Variants in SGCZ observed in about 807,000 individuals in gnomAD.
SGCZ encodes zeta-sarcoglycan.
SGCZ carries 40 observed loss-of-function variants against 41.3 expected under a neutral mutation model. The observed-to-expected ratio is 0.97, with a 90% CI of 0.75 to 1.26. The LOEUF (loss-of-function observed/expected upper bound fraction) is 1.26. Ranked by LOEUF, SGCZ falls within the 50% of genes most tolerant of loss-of-function variation. The probability of loss-of-function intolerance (pLI) is 0.00; values close to 1 mark genes in which losing one functional copy is unlikely to be tolerated. For missense variants in SGCZ, 552 were observed against 369.8 expected, an observed-to-expected ratio of 1.49 and a Z score of -4.04; for synonymous variants, 206 against 137.5, an observed-to-expected ratio of 1.50 and a Z score of -3.49.
intron 3 of SGCZ, among the ~76,000 whole-genome samples, chr8:14,253,306 TTTTG>T (rs1020838609): frequency 1.3e-5 from 2 of 151,778 alleles, no homozygotes; most frequent in African/African-American, 4.8e-5. Context: ...CAGATTTAAT[TTTTG>T]TTTATGAATT....
chr8:14,971,645 CT>C (rs11456903), intron 1 of SGCZ, among the ~76,000 whole-genome samples: 7,934 of 114,544 alleles, frequency 0.069, 591 homozygotes, highest in African/African-American at 0.2. Context: ...ATTTTATATA[CT>C]TTTTTTTTTT....
intron 2 of SGCZ, among the ~76,000 whole-genome samples, chr8:14,397,708 T>C (rs1015973863): frequency 9.2e-5 from 14 of 152,120 alleles, no homozygotes; most frequent in Admixed American, 9.2e-4. Context: ...GGCAGGTGAA[T>C]GTATCTGAGA....
At chr8:14,230,982 A>C (rs1397589241) in intron 4 of SGCZ, among the ~76,000 whole-genome samples, 1 of 152,122 alleles carries the variant, frequency 6.6e-6, no homozygotes. Flanking sequence ...GTGGTAAATG[A>C]ATAGAAATTA....
At chr8:14,501,009 TA>T (rs71209055) in intron 2 of SGCZ, among the ~76,000 whole-genome samples, 38,983 of 151,842 alleles carry the variant, frequency 0.26, 5,006 homozygotes, top group Admixed American at 0.29. Context: ...TTTATTATCT[TA>T]ACAGATCTTG....
At chr8:14,546,086 C>A (rs1191986219) in intron 2 of SGCZ, among the ~76,000 whole-genome samples, 5 of 152,116 alleles carry the variant, frequency 3.3e-5, no homozygotes, top group African/African-American at 1.2e-4. Context: ...TCATGAGGAG[C>A]TGCATACGGA....
chr8:15,076,686 T>C (rs1414779903), intron 1 of SGCZ, among the ~76,000 whole-genome samples: 1 of 151,832 alleles, frequency 6.6e-6, no homozygotes, highest in Non-Finnish European at 1.5e-5. Context: ...TCCAAGGTTA[T>C]ACCTTTGAAC....
intron 5 of SGCZ, among the ~76,000 whole-genome samples, chr8:14,159,535 T>C (rs1803978374): frequency 6.6e-6 from 1 of 152,174 alleles, no homozygotes; most frequent in East Asian, 1.9e-4. Flanking sequence ...ATATTTAGTG[T>C]CTTGGGAATT....
chr8:14,262,247 G>A (rs1052554654), intron 3 of SGCZ, among the ~76,000 whole-genome samples: 3 of 152,136 alleles, frequency 2.0e-5, no homozygotes, highest in Admixed American at 2.0e-4. Context: ...TTACTGATAA[G>A]GTCGAATGCT....
chr8:14,352,123 G>T (rs901124192), intron 2 of SGCZ, among the ~76,000 whole-genome samples: 1 of 151,992 alleles, frequency 6.6e-6, no homozygotes, highest in African/African-American at 2.4e-5. Context: ...ACTCAACTTA[G>T]ATTAAGAATG....
chr8:14,511,855 G>A (rs1214258387), intron 2 of SGCZ, among the ~76,000 whole-genome samples: 1 of 152,078 alleles, frequency 6.6e-6, no homozygotes, highest in Non-Finnish European at 1.5e-5. Context: ...TTAAAGGACA[G>A]GGTATCCCTT....
chr8:14,217,958 T>C (rs1391880948), intron 4 of SGCZ, among the ~76,000 whole-genome samples: 3 of 151,754 alleles, frequency 2.0e-5, no homozygotes, highest in African/African-American at 4.8e-5. Context: ...AAGTGCAAAA[T>C]AGGAAAAGAA....
At chr8:14,136,800 G>A (rs1250465364) in intron 5 of SGCZ, among the ~76,000 whole-genome samples, 1 of 152,110 alleles carries the variant, frequency 6.6e-6, no homozygotes, top group Non-Finnish European at 1.5e-5. Context: ...AAGAGCAGTG[G>A]TTCTCCCACC....
intron 2 of SGCZ, among the ~76,000 whole-genome samples, chr8:14,348,292 C>A (rs1379105741): frequency 6.6e-6 from 1 of 152,084 alleles, no homozygotes; most frequent in Non-Finnish European, 1.5e-5. Context: ...GGTTTCTTTG[C>A]AGCTTGAATC....
At chr8:14,705,386 T>A (rs145269308) in intron 1 of SGCZ, among the ~76,000 whole-genome samples, 1 of 152,050 alleles carries the variant, frequency 6.6e-6, no homozygotes, top group African/African-American at 2.4e-5. Context: ...TATGTGACTA[T>A]GTGACTATAA....
intron 2 of SGCZ, among the ~76,000 whole-genome samples, chr8:14,416,734 A>T (rs1374029025): frequency 6.6e-6 from 1 of 151,784 alleles, no homozygotes. Flanking sequence ...AAATCTGGCC[A>T]CTCTGCTAGC....
rs1803852285 is a variant in SGCZ at position 14,551,562 on chromosome 8, TATATATA to T, written c.234+3163_234+3169del. Reference sequence around the variant, plus strand: ...TATATAATATATATAATATATATTATATATATAATATATATATAATATATATAATATA... The same window carrying T: ...TATATAATATATATAATATATATTATATATATATATAATATATATAATATA... On this transcript the variant is annotated intron_variant, in intron 2 of 7. Coordinates refer to ENST00000382080, the MANE Select transcript of SGCZ (RefSeq NM_139167.4). Among the ~76,000 whole-genome samples the T allele has an allele frequency of 2.9e-4, 5 of 17,024 alleles. 1 individual carries two copies. Among genetic ancestry groups the T allele is most frequent in the African/African-American group, 1.6e-3 (4 of 2,580 alleles). The allele number at this position is 17,024 out of a possible 152,430, so 11.2% of individuals were successfully genotyped here.
intron 1 of SGCZ, among the ~76,000 whole-genome samples, chr8:14,821,735 G>C (rs751828646): frequency 6.6e-6 from 1 of 151,688 alleles, no homozygotes; most frequent in Non-Finnish European, 1.5e-5. Context: ...TTTTAATAGA[G>C]GCAGAAAAAG....
chr8:14,946,800 C>T (rs550829921), intron 1 of SGCZ, among the ~76,000 whole-genome samples: 8 of 151,946 alleles, frequency 5.3e-5, no homozygotes, highest in South Asian at 2.1e-4. Flanking sequence ...CTCAGCCCCC[C>T]GAGTAGCCAG....
At chr8:14,808,118 C>A (rs1340568384) in intron 1 of SGCZ, among the ~76,000 whole-genome samples, 1 of 152,068 alleles carries the variant, frequency 6.6e-6, no homozygotes, top group African/African-American at 2.4e-5. Context: ...GACCTAAAAC[C>A]ATAAAAACCC....
Sources: gnomAD v4.1 joint callset for allele counts (sites outside exome capture counted in the v4.1 genomes callset) on GRCh38, gnomAD v4.1.1 for gene constraint, MANE v1.5 for transcripts, NCBI Gene and HGNC (gene_info 2026-07-23, HGNC 2026-07-21) for gene names.